DCP1A: variants seen among roughly 807,000 people sequenced by gnomAD.
DCP1A encodes mRNA-decapping enzyme 1A.
A neutral mutation model predicts 58.0 loss-of-function variants in DCP1A; 20 were observed. The ratio of observed to expected loss-of-function variants is 0.34; its 90% CI spans 0.24 to 0.50. The LOEUF (loss-of-function observed/expected upper bound fraction) is 0.50. Ranked by LOEUF, DCP1A falls within the 20% of genes least tolerant of loss-of-function variation. DCP1A has a pLI of 0.98. For synonymous variants in DCP1A, 285 were observed against 275.1 expected, an observed-to-expected ratio of 1.04 and a Z score of -0.36; for missense variants, 613 against 712.2, an observed-to-expected ratio of 0.86 and a Z score of 1.59.
intron 9 of DCP1A, 97 bp from the exon 10 acceptor site, chr3:53,287,757 G>A (rs1706695984): frequency 2.3e-6 from 2 of 859,808 alleles, no homozygotes; most frequent in Non-Finnish European, 3.9e-6. Flanking sequence ...TTGTATAAAT[G>A]ATTTGTATAA....
intron 5 of DCP1A, among the ~76,000 whole-genome samples, chr3:53,305,167 C>G (rs1553687895): frequency 6.6e-6 from 1 of 152,134 alleles, no homozygotes; most frequent in African/African-American, 2.4e-5. Flanking sequence ...AAGGTACATC[C>G]AAGCTGTTGT....
At chr3:53,325,314 T>C (rs1708078148) in intron 3 of DCP1A, among the ~76,000 whole-genome samples, 4 of 152,212 alleles carry the variant, frequency 2.6e-5, no homozygotes, top group African/African-American at 7.2e-5. Flanking sequence ...CTCATACATA[T>C]GTTGTCTTTG....
intron 5 of DCP1A, among the ~76,000 whole-genome samples, chr3:53,308,448 C>T (rs1267417375): frequency 1.3e-5 from 2 of 152,134 alleles, no homozygotes; most frequent in African/African-American, 4.8e-5. Flanking sequence ...CACACCACCA[C>T]ACCTGGCTGA....
Position 53,312,290 on chromosome 3 carries a change from G to A in DCP1A, c.461C>T (p.Pro154Leu). 1 of 1,613,354 alleles carries A rather than the reference G, an allele frequency of 6.2e-7. No individual in the cohort carries two copies. The highest frequency in any genetic ancestry group is 8.5e-7 in the Non-Finnish European group (1 of 1,179,672). ...SQANGCSDHR[P>L]IDILEMLSRA... is the part of the protein sequence containing the mutation. ...GCTCAGCATCTCCAGGATGTCGATG[G>A]GCCTGTGGTCGCTGCAGCCATTGGC... Residue 154 changes from proline to leucine, a missense_variant, in exon 5 of 10, where the codon CCC becomes CTC. This residue lies in a region of DCP1A where 498 missense variants were observed against 556.7 expected (regional missense o/e 0.89). Transcript: ENST00000610213.
chr3:53,297,357 C>CT (rs1174431632), intron 6 of DCP1A, among the ~76,000 whole-genome samples: 9,571 of 138,358 alleles, frequency 0.069, 371 homozygotes, highest in Middle Eastern at 0.14. Flanking sequence ...AACACTAATT[C>CT]TTTTTTTTTT....
rs960718956 is a variant in DCP1A, at chr3:53,312,173, C to A, written c.510+68G>T. 9 of 1,482,538 alleles carry A rather than the reference C, an allele frequency of 6.1e-6. No homozygotes were observed. In the African/African-American group the frequency reaches 1.3e-4, roughly 21 times the overall value. 91.8% of individuals were successfully genotyped at this position (1,482,538 alleles called of 1,614,324 possible). On this transcript the variant is annotated intron_variant, in intron 5 of 9. Transcript: ENST00000610213. ...AGGCCAGCTTCCCTAGTAAAATAGT[C>A]TCCTGCAGACCTCCTCCTCCCGTTT...
chr3:53,309,879 A>G (rs553586337), intron 5 of DCP1A, among the ~76,000 whole-genome samples: 12 of 152,372 alleles, frequency 7.9e-5, no homozygotes, highest in African/African-American at 2.9e-4. Context: ...CCCAACACTG[A>G]GGCCTAGCTT....
intron 6 of DCP1A, among the ~76,000 whole-genome samples, chr3:53,302,741 A>G (rs1319096539): frequency 6.6e-6 from 1 of 151,722 alleles, no homozygotes; most frequent in East Asian, 1.9e-4. Context: ...CTCCTACCTC[A>G]GCTTCCCGAA....
chr3:53,298,820 G>T (rs561804148), intron 6 of DCP1A, among the ~76,000 whole-genome samples: 2 of 152,212 alleles, frequency 1.3e-5, no homozygotes, highest in African/African-American at 4.8e-5. Flanking sequence ...GTCAATGATG[G>T]ACTGCATATA....
At chr3:53,339,434 T>C (rs2089168147) in intron 3 of DCP1A, among the ~76,000 whole-genome samples, 1 of 152,354 alleles carries the variant, frequency 6.6e-6, no homozygotes, top group South Asian at 2.1e-4. Context: ...CTGATGATTT[T>C]AGGTCTCACT....
At chr3:53,304,031 C>T (rs1036074147) in intron 6 of DCP1A, 146 bp downstream of exon 6, 5 of 586,446 alleles carry the variant, frequency 8.5e-6, no homozygotes, top group East Asian at 2.8e-5. Context: ...AACAGTTACT[C>T]GGATCATGAC....
At chr3:53,332,308 T>C (rs1227816301) in intron 3 of DCP1A, among the ~76,000 whole-genome samples, 8 of 152,234 alleles carry the variant, frequency 5.3e-5, no homozygotes, top group African/African-American at 1.7e-4. Flanking sequence ...ATTTTATTTA[T>C]GAGTCCATTC....
At chr3:53,315,741 G>GTTTTT (rs1553689168) in intron 4 of DCP1A, among the ~76,000 whole-genome samples, 16 of 75,642 alleles carry the variant, frequency 2.1e-4, no homozygotes, top group African/African-American at 3.0e-4. Flanking sequence ...AAATCAGTTT[G>GTTTTT]TTGTTTTTTT....
At chr3:53,296,972 CAT>C (rs1213227941) in intron 6 of DCP1A, among the ~76,000 whole-genome samples, 1 of 152,068 alleles carries the variant, frequency 6.6e-6, no homozygotes, top group African/African-American at 2.4e-5. Flanking sequence ...TGTTTTTTTC[CAT>C]AGTGCCTGAA....
At chr3:53,336,891 G>C (rs1432863044) in intron 3 of DCP1A, among the ~76,000 whole-genome samples, 3 of 127,198 alleles carry the variant, frequency 2.4e-5, no homozygotes, top group Non-Finnish European at 5.1e-5. Context: ...TATTTATTGA[G>C]ATGGAGTCTT....
At chr3:53,337,126 C>A (rs1406013086) in intron 3 of DCP1A, among the ~76,000 whole-genome samples, 1 of 152,182 alleles carries the variant, frequency 6.6e-6, no homozygotes, top group Admixed American at 6.5e-5. Flanking sequence ...CCCGCCTTGG[C>A]CTCCCAAAGT....
At position 53,342,282 on chromosome 3, in the gene DCP1A, A is replaced by G; in HGVS notation, c.177-11T>C. On this transcript the variant is annotated splice_polypyrimidine_tract_variant and intron_variant, in intron 2 of 9. Transcript: ENST00000610213. ...TAAGGGGAAGCTGACCTTAGATTTAATAGAAGAAAAAAAAATATGTAGTTA... is the reference window on the plus strand; with the variant it reads ...TAAGGGGAAGCTGACCTTAGATTTAGTAGAAGAAAAAAAAATATGTAGTTA... 1.3e-6 allele frequency: 2 copies of G among 1,569,004 alleles called. No homozygotes were observed. Among genetic ancestry groups the G allele is most frequent in the Non-Finnish European group, 1.7e-6 (2 of 1,150,466 alleles).
At chr3:53,322,940 TGGGATTACAGGCGCCCG>T (rs1184676245) in intron 3 of DCP1A, among the ~76,000 whole-genome samples, 163 of 152,178 alleles carry the variant, frequency 1.1e-3, no homozygotes, top group South Asian at 8.3e-4. Flanking sequence ...CCCGAGTAGC[TGGGATTACAGGCGCCCG>T]GGGATTACAG....
intron 3 of DCP1A, among the ~76,000 whole-genome samples, chr3:53,339,369 A>G (rs2089167121): frequency 6.6e-6 from 1 of 152,208 alleles, no homozygotes. Context: ...TCTAAAGTAA[A>G]ATGCATTAAT....
Sources: gnomAD v4.1 joint callset for allele counts (sites outside exome capture counted in the v4.1 genomes callset) on GRCh38, gnomAD v4.1.1 for gene constraint, gnomAD v4.1.1 regional missense constraint, MANE v1.5 for transcripts, NCBI Gene and HGNC (gene_info 2026-07-23, HGNC 2026-07-21) for gene names.